The following VAV2 variants were observed in gnomAD, a reference collection of about 807,000 sequenced individuals.
The protein encoded by VAV2 is guanine nucleotide exchange factor VAV2.
A neutral mutation model predicts 132.5 loss-of-function variants in VAV2; 67 were observed. That is an observed-to-expected ratio of 0.51 (90% CI 0.42 to 0.62). VAV2 has a LOEUF of 0.62. Among genes scored for constraint, VAV2 ranks in the 20% least tolerant of loss-of-function variants. VAV2 has a pLI of 0.00. For missense variants in VAV2, 938 were observed against 1,153.6 expected (o/e 0.81, Z 2.71); for synonymous variants, 492 against 443.5 (o/e 1.11, Z -1.37).
Position 133,909,105 on chromosome 9 carries a change from G to A in VAV2, c.321+29998C>T, listed in dbSNP as rs141605014. Among the ~76,000 whole-genome samples the A allele has an allele frequency of 1.9e-3, 287 of 152,356 alleles. 1 individual carries two copies. The highest frequency in any genetic ancestry group is 0.01 in the Middle Eastern group (3 of 294). On this transcript the variant is annotated intron_variant, in intron 2 of 29. Transcript: ENST00000371850. ...AACTCCAGGCACCCCTAGCAATCGC[G>A]AGGAAGGATGGATTTGGCTGGCCCA... is the stretch of plus-strand genomic sequence containing the variant.
At chr9:133,775,995 G>A (rs760974982) in intron 24 of VAV2, 33 bp downstream of exon 24, 2 of 1,582,190 alleles carry the variant, frequency 1.3e-6, no homozygotes, top group Non-Finnish European at 1.7e-6. Flanking sequence ...GAGGCCACCA[G>A]ATGCCCATGT....
intron 3 of VAV2, 117 bp downstream of exon 3, chr9:133,861,257 A>G (rs1006034743): frequency 8.7e-7 from 1 of 1,148,850 alleles, no homozygotes; most frequent in African/African-American, 1.6e-5. Context: ...CTGCAAATGC[A>G]TGATAAAGAC....
intron 2 of VAV2, among the ~76,000 whole-genome samples, chr9:133,881,337 G>C (rs1015810279): frequency 6.6e-6 from 1 of 152,254 alleles, no homozygotes; most frequent in African/African-American, 2.4e-5. Flanking sequence ...TGCCCCACAA[G>C]GTTCCTCCCA....
intron 2 of VAV2, among the ~76,000 whole-genome samples, chr9:133,868,755 A>C (rs1005628154): frequency 2.0e-5 from 3 of 152,212 alleles, no homozygotes; most frequent in African/African-American, 7.2e-5. Context: ...GCAGCCCCAC[A>C]GCTTCCCCTG....
At chr9:133,941,608 TGGGG>T (rs56802789) in intron 1 of VAV2, among the ~76,000 whole-genome samples, 3,151 of 135,578 alleles carry the variant, frequency 0.023, 157 homozygotes, top group African/African-American at 0.08. Flanking sequence ...CACTTTTTTT[TGGGG>T]GGGGGGGGGG....
chr9:133,988,042 C>T (rs542795994), intron 1 of VAV2, among the ~76,000 whole-genome samples: 9 of 152,286 alleles, frequency 5.9e-5, no homozygotes, highest in South Asian at 2.1e-4. Flanking sequence ...GTGGGAGGGG[C>T]GCTCCAAGTC....
intron 1 of VAV2, among the ~76,000 whole-genome samples, chr9:133,941,155 C>T (rs1841140251): frequency 6.6e-6 from 1 of 152,172 alleles, no homozygotes; most frequent in Non-Finnish European, 1.5e-5. Context: ...CGCCTGTAAT[C>T]CCAGCACTTT....
At chr9:133,811,981 GT>G in intron 5 of VAV2, 132 bp downstream of exon 5, 1 of 857,800 alleles carries the variant, frequency 1.2e-6, no homozygotes, top group South Asian at 1.6e-5. Context: ...ACCTCTGGAC[GT>G]CCCCCTGCAC....
At chr9:133,960,421 C>A (rs1254772584) in intron 1 of VAV2, among the ~76,000 whole-genome samples, 1 of 152,170 alleles carries the variant, frequency 6.6e-6, no homozygotes, top group Non-Finnish European at 1.5e-5. Context: ...CCCACTGGAG[C>A]CTCACTCCCT....
intron 4 of VAV2, among the ~76,000 whole-genome samples, chr9:133,831,327 T>C (rs1396303050): frequency 6.6e-6 from 1 of 151,606 alleles, no homozygotes. Context: ...TCCCAGCTAC[T>C]GGGGAGGCTG....
intron 1 of VAV2, among the ~76,000 whole-genome samples, chr9:133,959,854 G>C (rs1211276041): frequency 6.6e-6 from 1 of 152,172 alleles, no homozygotes; most frequent in Non-Finnish European, 1.5e-5. Context: ...AGGTGGGGGA[G>C]GCAGGGGGAC....
rs1030205675 is a variant in VAV2 at position 133,885,103 on chromosome 9, A to G, written c.322-23671T>C. ...GGCCCTTCTGGAGGGTTCTCTCCAGAGGACTGGCAAGCACAGCCAATATTC... is the reference window on the plus strand; with the variant it reads ...GGCCCTTCTGGAGGGTTCTCTCCAGGGGACTGGCAAGCACAGCCAATATTC... On this transcript the variant is annotated intron_variant, in intron 2 of 29. Coordinates refer to ENST00000371850, the MANE Select transcript of VAV2 (RefSeq NM_001134398.2). The surrounding 1 kb of genome is among the most constrained non-coding windows in gnomAD (Gnocchi z 5.0). Among the ~76,000 whole-genome samples the G allele has an allele frequency of 6.6e-5, 10 of 152,272 alleles. No individual in the cohort carries two copies. Among genetic ancestry groups the G allele is most frequent in the African/African-American group, 2.4e-4 (10 of 41,472 alleles).
intron 3 of VAV2, among the ~76,000 whole-genome samples, chr9:133,854,558 AAG>A (rs1223535878): frequency 6.6e-6 from 1 of 152,208 alleles, no homozygotes; most frequent in Non-Finnish European, 1.5e-5. Context: ...TGGGGTGTGG[AAG>A]AGGTGCCAGA....
rs1296670975 is a variant in VAV2, at chr9:133,828,425, GCGCCCAC to G, written c.449+5840_449+5846del. ...AGTGGGGGCATCACCACCTACCGCT[GCGCCCAC>G]TGGGGCTGACCACTGACCACGGGCA... is the stretch of plus-strand genomic sequence containing the variant. On this transcript the variant is annotated intron_variant, in intron 4 of 29. Transcript: ENST00000371850. Among the ~76,000 whole-genome samples the G allele has an allele frequency of 1.8e-4, 5 of 27,242 alleles. 1 individual carries two copies. The highest frequency in any genetic ancestry group is 6.0e-4 in the African/African-American group (5 of 8,386). 17.9% of individuals were successfully genotyped at this position (27,242 alleles called of 152,430 possible). A position where few individuals can be genotyped will look rare whatever the true frequency, so the allele number is the denominator to read the frequency against.
chr9:133,799,609 C>T (rs559581070), intron 9 of VAV2, among the ~76,000 whole-genome samples: 20 of 152,260 alleles, frequency 1.3e-4, no homozygotes, highest in Admixed American at 5.2e-4. Flanking sequence ...AAAGGGCCTG[C>T]CTCCTGCCTG....
chr9:133,778,714 AG>A (rs1037081477), intron 22 of VAV2, 47 bp downstream of exon 22: 1 of 1,603,156 alleles, frequency 6.2e-7, no homozygotes, highest in African/African-American at 1.3e-5. Flanking sequence ...GGGAGCAGGG[AG>A]GAGCTGGAGC....
At chr9:133,815,713 G>A (rs1208881518) in intron 4 of VAV2, among the ~76,000 whole-genome samples, 1 of 152,164 alleles carries the variant, frequency 6.6e-6, no homozygotes, top group African/African-American at 2.4e-5. Flanking sequence ...ATGGACATTT[G>A]GGTTGCCTCC....
intron 9 of VAV2, among the ~76,000 whole-genome samples, chr9:133,801,082 C>G (rs1438899571): frequency 6.6e-6 from 1 of 152,224 alleles, no homozygotes; most frequent in South Asian, 2.1e-4. Flanking sequence ...CCCCAGCACC[C>G]AGCCCGGAGC....
Position 133,810,175 on chromosome 9 carries a change from C to G in VAV2, c.567+16G>C. 1 of 1,613,306 alleles carries G rather than the reference C, an allele frequency of 6.2e-7. No individual in the cohort carries two copies. Among genetic ancestry groups the G allele is most frequent in the Non-Finnish European group, 8.5e-7 (1 of 1,179,832 alleles). ...GCAGGCAGGACGTCCCCAGCCTCCC[C>G]TTCCGGGCCACTCACCTGCATGTAT... On this transcript the variant is annotated intron_variant, in intron 6 of 29. Coordinates refer to ENST00000371850, the MANE Select transcript of VAV2 (RefSeq NM_001134398.2).
Sources: gnomAD v4.1 joint callset for allele counts (sites outside exome capture counted in the v4.1 genomes callset) on GRCh38, gnomAD v4.1.1 for gene constraint, Gnocchi (gnomAD v3.1) non-coding constraint, MANE v1.5 for transcripts, NCBI Gene and HGNC (gene_info 2026-07-23, HGNC 2026-07-21) for gene names.